The following MCC variants were observed in gnomAD, a reference collection of about 807,000 sequenced individuals.
The protein encoded by MCC is MCC regulator of Wnt signaling pathway.
A neutral mutation model predicts 116.2 loss-of-function variants in MCC; 90 were observed. The ratio of observed to expected loss-of-function variants is 0.77; its 90% CI spans 0.65 to 0.92. The LOEUF is 0.92. Among genes scored for constraint, MCC ranks in the 40% least tolerant of loss-of-function variants. MCC has a pLI of 0.00. For missense variants in MCC, 1,516 were observed against 1,312.2 expected (o/e 1.16, Z -2.40); for synonymous variants, 578 against 510.5 (o/e 1.13, Z -1.78).
intron 1 of MCC, among the ~76,000 whole-genome samples, chr5:113,413,413 G>T (rs1341644822): frequency 6.6e-6 from 1 of 152,090 alleles, no homozygotes; most frequent in Non-Finnish European, 1.5e-5. Flanking sequence ...GACTTTTTTT[G>T]GTTGGTAGGC....
At chr5:113,413,324 T>C (rs1770046690) in intron 1 of MCC, among the ~76,000 whole-genome samples, 2 of 152,234 alleles carry the variant, frequency 1.3e-5, no homozygotes, top group Admixed American at 1.3e-4. Flanking sequence ...TTCTATTGAT[T>C]GGAATAGTTT....
At chr5:113,051,444 C>A (rs938048677) in intron 15 of MCC, among the ~76,000 whole-genome samples, 1 of 152,288 alleles carries the variant, frequency 6.6e-6, no homozygotes, top group South Asian at 2.1e-4. Flanking sequence ...GAAGGCCAGG[C>A]CTGGTGCCTC....
At chr5:113,082,321 A>G (rs576490364) in intron 11 of MCC, among the ~76,000 whole-genome samples, 1 of 152,384 alleles carries the variant, frequency 6.6e-6, no homozygotes, top group East Asian at 1.9e-4. Context: ...CAGGAAGATG[A>G]TCTAAATCAG....
chr5:113,481,707 C>T (rs1184930491), intron 1 of MCC, among the ~76,000 whole-genome samples: 1 of 152,068 alleles, frequency 6.6e-6, no homozygotes, highest in Non-Finnish European at 1.5e-5. Context: ...CCACTTTACT[C>T]CAGCCTGGGT....
intron 1 of MCC, among the ~76,000 whole-genome samples, chr5:113,453,684 AG>A (rs1771463860): frequency 6.6e-6 from 1 of 152,266 alleles, no homozygotes; most frequent in Non-Finnish European, 1.5e-5. Context: ...AAAGTCACAG[AG>A]GAAAAGATCT....
intron 2 of MCC, among the ~76,000 whole-genome samples, chr5:113,369,057 G>A (rs1486173761): frequency 1.3e-5 from 2 of 152,134 alleles, no homozygotes; most frequent in Non-Finnish European, 2.9e-5. Context: ...ATGTGGGAGG[G>A]GACGTAGAGC....
At position 113,488,421 on chromosome 5, in the gene MCC, G is replaced by A. The variant is rs546582550; in HGVS notation, c.-7C>T. The A allele has an allele frequency of 2.6e-5, 37 of 1,402,740 alleles. No homozygotes were observed. Among genetic ancestry groups the A allele is most frequent in the Non-Finnish European group, 3.2e-5 (35 of 1,091,654 alleles). The allele number at this position is 1,402,740 out of a possible 1,614,324, so 86.9% of individuals were successfully genotyped here. The stretch of plus-strand genomic sequence containing the variant: ...CCGCCGCGGCCGCCATCATGCGCCC[G>A]CTCCCTACTTGGGAGGAGGAGTACG... On this transcript the variant is annotated 5_prime_UTR_variant, in exon 1 of 19. Transcript: ENST00000408903.
At chr5:113,191,498 A>G (rs1762148704) in intron 3 of MCC, among the ~76,000 whole-genome samples, 1 of 152,188 alleles carries the variant, frequency 6.6e-6, no homozygotes, top group Admixed American at 6.5e-5. Context: ...CTGCTGGGCC[A>G]TGTTCCTTTA....
intron 3 of MCC, among the ~76,000 whole-genome samples, chr5:113,244,209 G>A (rs986992348): frequency 3.9e-5 from 6 of 152,162 alleles, no homozygotes; most frequent in African/African-American, 1.2e-4. Context: ...TATGTAATGT[G>A]GATGTAATTG....
intron 1 of MCC, among the ~76,000 whole-genome samples, chr5:113,389,608 C>G (rs755498323): frequency 6.6e-6 from 1 of 152,106 alleles, no homozygotes; most frequent in East Asian, 1.9e-4. Context: ...TTCTTTCTCT[C>G]TTTCTCTTTT....
chr5:113,463,416 T>G (rs557941073), intron 1 of MCC, among the ~76,000 whole-genome samples: 6 of 152,210 alleles, frequency 3.9e-5, no homozygotes, highest in Non-Finnish European at 5.9e-5. Context: ...AGGGTAATCA[T>G]AAGGGAGATG....
intron 1 of MCC, among the ~76,000 whole-genome samples, chr5:113,460,001 T>A (rs768273957): frequency 7.9e-5 from 12 of 152,064 alleles, no homozygotes; most frequent in Admixed American, 1.3e-4. Context: ...TGACATTCAG[T>A]GAAAGCTGAG....
chr5:113,450,001 G>T (rs1771342266), intron 1 of MCC, among the ~76,000 whole-genome samples: 1 of 151,988 alleles, frequency 6.6e-6, no homozygotes, highest in Admixed American at 6.6e-5. Flanking sequence ...TATACAGTTT[G>T]CACAATTGCA....
At chr5:113,354,290 T>C (rs1481365223) in intron 2 of MCC, among the ~76,000 whole-genome samples, 1 of 152,162 alleles carries the variant, frequency 6.6e-6, no homozygotes, top group East Asian at 1.9e-4. Flanking sequence ...AACCCTACCC[T>C]GAAGGGATCC....
intron 1 of MCC, among the ~76,000 whole-genome samples, chr5:113,476,946 T>C (rs1022795091): frequency 3.9e-5 from 6 of 152,224 alleles, no homozygotes; most frequent in Non-Finnish European, 8.8e-5. Flanking sequence ...AAGAAATGTA[T>C]GTGAAAAGCC....
intron 2 of MCC, among the ~76,000 whole-genome samples, chr5:113,376,411 GA>G (rs1446173150): frequency 6.6e-6 from 1 of 152,126 alleles, no homozygotes; most frequent in Admixed American, 6.5e-5. Flanking sequence ...TACAGTGGAT[GA>G]TTATAACACA....
At position 113,142,103 on chromosome 5, in the gene MCC, T is replaced by C. The variant is rs530488555; in HGVS notation, c.884+1115A>G. 2.6e-5 allele frequency among the ~76,000 whole-genome samples: 4 copies of C among 152,310 alleles called. No homozygotes were observed. The South Asian group carries it at 6.2e-4, about 24-fold the overall frequency. ...GTGGCTCCAGCTCAGTGCAAACTTTTCCACAATTTTGCCCAGAAAACAGAT... is the reference window on the plus strand; with the variant it reads ...GTGGCTCCAGCTCAGTGCAAACTTTCCCACAATTTTGCCCAGAAAACAGAT... On this transcript the variant is annotated intron_variant, in intron 5 of 18. Coordinates refer to ENST00000408903, the MANE Select transcript of MCC (RefSeq NM_001085377.2).
intron 2 of MCC, among the ~76,000 whole-genome samples, chr5:113,363,316 A>G (rs1429746988): frequency 1.3e-5 from 2 of 152,184 alleles, no homozygotes; most frequent in Admixed American, 6.5e-5. Flanking sequence ...AAACCCTGGG[A>G]GCAGGTAATT....
chr5:113,333,006 G>C (rs1287979948), intron 3 of MCC, among the ~76,000 whole-genome samples: 1 of 151,474 alleles, frequency 6.6e-6, no homozygotes, highest in African/African-American at 2.4e-5. Context: ...ATAAGAGGGA[G>C]AATAATAAGG....
Sources: gnomAD v4.1 joint callset for allele counts (sites outside exome capture counted in the v4.1 genomes callset) on GRCh38, gnomAD v4.1.1 for gene constraint, MANE v1.5 for transcripts, NCBI Gene and HGNC (gene_info 2026-07-23, HGNC 2026-07-21) for gene names.